Variants in NPSR1 observed in about 807,000 individuals in gnomAD.
NPSR1 encodes neuropeptide S receptor 1.
Under a neutral mutation model 46.9 loss-of-function variants are expected in NPSR1, and 48 were observed. The ratio of observed to expected loss-of-function variants is 1.02; its 90% confidence interval spans 0.81 to 1.30. NPSR1 has a LOEUF of 1.30. Ranked by LOEUF, NPSR1 falls within the 50% of genes most tolerant of loss-of-function variation. The pLI, the probability that NPSR1 is intolerant of heterozygous loss-of-function variation, is 0.00. For synonymous variants in NPSR1, 176 were observed against 168.1 expected (o/e 1.05, Z -0.36); for missense variants, 450 against 449.5 (o/e 1.00, Z -0.01).
rs560007369 is a variant in NPSR1 at position 34,772,548 on chromosome 7, G to T, written c.281-5914G>T. On this transcript the variant is annotated intron_variant, in intron 2 of 8. Transcript: ENST00000360581. ...TCTGAGCTGGATAATTTAATACTAGGGTACAGCCCATGGGTAGTACAGAAA... is the reference window on the plus strand; with the variant it reads ...TCTGAGCTGGATAATTTAATACTAGTGTACAGCCCATGGGTAGTACAGAAA... 5.9e-5 allele frequency among the ~76,000 whole-genome samples: 9 copies of T among 152,146 alleles called. 1 individual carries two copies. The highest frequency in any genetic ancestry group is 6.8e-3 in the Middle Eastern group (2 of 294).
chr7:34,867,037 T>C (rs1791329656), intron 8 of NPSR1, among the ~76,000 whole-genome samples: 1 of 151,642 alleles, frequency 6.6e-6, no homozygotes, highest in Non-Finnish European at 1.5e-5. Flanking sequence ...CTGTGGGACA[T>C]TGAGGCCTGA....
chr7:34,738,518 C>T (rs1431283965), intron 2 of NPSR1, among the ~76,000 whole-genome samples: 2 of 152,006 alleles, frequency 1.3e-5, no homozygotes, highest in African/African-American at 4.8e-5. Flanking sequence ...CTCTACTGTA[C>T]CTATAGTTGA....
intron 4 of NPSR1, 77 bp downstream of exon 4, chr7:34,811,940 T>C (rs958604064): frequency 2.3e-6 from 2 of 871,076 alleles, no homozygotes; most frequent in South Asian, 1.5e-5. Context: ...ACTAATATTT[T>C]ACTCTTAATA....
intron 1 of NPSR1, among the ~76,000 whole-genome samples, chr7:34,665,521 C>G (rs1023024685): frequency 1.3e-5 from 2 of 152,164 alleles, no homozygotes; most frequent in African/African-American, 4.8e-5. Context: ...GACCCAATCA[C>G]CTTCTCTACT....
At chr7:34,770,846 G>A (rs184322063) in intron 2 of NPSR1, among the ~76,000 whole-genome samples, 15 of 152,284 alleles carry the variant, frequency 9.9e-5, no homozygotes, top group Non-Finnish European at 1.8e-4. Context: ...AAAGTTCAGT[G>A]TCTGGTTAGG....
intron 1 of NPSR1, among the ~76,000 whole-genome samples, chr7:34,665,987 G>A (rs1791731797): frequency 6.6e-6 from 1 of 152,238 alleles, no homozygotes; most frequent in Admixed American, 6.5e-5. Flanking sequence ...ATTTTGTTGA[G>A]TGAAAGAGTA....
In NPSR1 at chr7:34,688,854, G is replaced by A. The variant is rs79502981; in HGVS notation, c.280+4170G>A. ...AATTAGAAGCATGACCTGCCCCTCC[G>A]TGCAGAGATCTTGGTAGAGCAAAGC... On this transcript the variant is annotated intron_variant, in intron 2 of 8. Transcript: ENST00000360581. Among the ~76,000 whole-genome samples the A allele has an allele frequency of 3.6e-3, 549 of 152,186 alleles. 3 individuals are homozygous for A. The highest frequency in any genetic ancestry group is 0.012 in the African/African-American group (517 of 41,522).
intron 2 of NPSR1, among the ~76,000 whole-genome samples, chr7:34,746,548 G>A (rs1403324158): frequency 1.3e-5 from 2 of 152,066 alleles, no homozygotes; most frequent in Non-Finnish European, 2.9e-5. Flanking sequence ...CACAGATAAG[G>A]GGAGACCTGC....
chr7:34,772,798 A>G (rs946360480), intron 2 of NPSR1, among the ~76,000 whole-genome samples: 3 of 152,160 alleles, frequency 2.0e-5, no homozygotes, highest in Non-Finnish European at 4.4e-5. Flanking sequence ...GACAGTTACA[A>G]GTAAATTGCC....
At chr7:34,664,185 C>T (rs935470597) in intron 1 of NPSR1, among the ~76,000 whole-genome samples, 1 of 152,212 alleles carries the variant, frequency 6.6e-6, no homozygotes, top group Non-Finnish European at 1.5e-5. Context: ...GGCAGTGTGG[C>T]TCAGAGAGCA....
At chr7:34,664,679 A>C (rs1173368675) in intron 1 of NPSR1, among the ~76,000 whole-genome samples, 1 of 152,066 alleles carries the variant, frequency 6.6e-6, no homozygotes, top group Non-Finnish European at 1.5e-5. Flanking sequence ...GAAAATTTCC[A>C]TTTCTTACTT....
chr7:34,850,228 C>A (rs150205869), downstream of NPSR1, among the ~76,000 whole-genome samples: 98 of 152,240 alleles, frequency 6.4e-4, no homozygotes, highest in Non-Finnish European at 9.7e-4. Context: ...AAGTGCATCT[C>A]CTATTCCATC....
intron 2 of NPSR1, chr7:34,750,798 C>T: frequency 1.4e-6 from 1 of 694,418 alleles, no homozygotes; most frequent in South Asian, 1.4e-5. Context: ...TGCACCTGCT[C>T]AGTTTAGGCT....
chr7:34,664,814 G>A (rs982832537), intron 1 of NPSR1, among the ~76,000 whole-genome samples: 4 of 152,270 alleles, frequency 2.6e-5, no homozygotes, highest in African/African-American at 9.6e-5. Flanking sequence ...CTTCTTCTCT[G>A]CTGTGAAGAT....
At chr7:34,795,622 G>C (rs879931318) in intron 3 of NPSR1, among the ~76,000 whole-genome samples, 17 of 151,954 alleles carry the variant, frequency 1.1e-4, no homozygotes, top group Admixed American at 3.9e-4. Flanking sequence ...CAATAAACAA[G>C]TATAATTTGA....
At chr7:34,750,128 ATTTT>A in intron 2 of NPSR1, 1 of 241,108 alleles carries the variant, frequency 4.1e-6, no homozygotes, top group Non-Finnish European at 7.9e-6. Context: ...TCGTGTATGT[ATTTT>A]TTTTTTTTTT....
chr7:34,737,953 C>T (rs932942363), intron 2 of NPSR1, among the ~76,000 whole-genome samples: 4 of 152,160 alleles, frequency 2.6e-5, no homozygotes, highest in Admixed American at 6.5e-5. Context: ...ATCCCACCAC[C>T]GGAATGGAAA....
chr7:34,823,714 T>C (rs1476745074), intron 4 of NPSR1, among the ~76,000 whole-genome samples: 1 of 152,132 alleles, frequency 6.6e-6, no homozygotes, highest in Non-Finnish European at 1.5e-5. Flanking sequence ...TAGATGAATA[T>C]AAATTATTTA....
intron 2 of NPSR1, among the ~76,000 whole-genome samples, chr7:34,745,089 G>A (rs1583928294): frequency 6.6e-6 from 1 of 152,262 alleles, no homozygotes; most frequent in East Asian, 1.9e-4. Context: ...GCTATCCATG[G>A]AAACCAATAA....
Sources: gnomAD v4.1 joint callset for allele counts (sites outside exome capture counted in the v4.1 genomes callset) on GRCh38, gnomAD v4.1.1 for gene constraint, MANE v1.5 for transcripts, NCBI Gene and HGNC (gene_info 2026-07-23, HGNC 2026-07-21) for gene names.